Variants in CDH8 observed in about 807,000 individuals in gnomAD.
The protein encoded by CDH8 is cadherin-8.
In CDH8, 17 loss-of-function variants were observed where a neutral mutation model predicts 68.1. That is an observed-to-expected ratio of 0.25 (90% confidence interval 0.17 to 0.37). The LOEUF (loss-of-function observed/expected upper bound fraction) is 0.37, where lower values mean the gene tolerates loss of function less well. Among genes scored for constraint, CDH8 ranks in the 10% least tolerant of loss-of-function variants. The pLI is 1.00. For missense variants in CDH8, 763 were observed against 999.3 expected, an observed-to-expected ratio of 0.76 and a Z score of 3.19; for synonymous variants, 372 against 365.1, an observed-to-expected ratio of 1.02 and a Z score of -0.21.
chr16:61,670,484 A>G (rs1963769039), intron 10 of CDH8, among the ~76,000 whole-genome samples: 1 of 152,088 alleles, frequency 6.6e-6, no homozygotes, highest in Non-Finnish European at 1.5e-5. Flanking sequence ...ATGCAATGAG[A>G]GAAACATATA....
chr16:61,819,831 A>G (rs972514405), intron 6 of CDH8, among the ~76,000 whole-genome samples: 3 of 152,128 alleles, frequency 2.0e-5, no homozygotes, highest in Non-Finnish European at 4.4e-5. Flanking sequence ...TGGTCCACCA[A>G]CTACCTTATT....
At position 61,653,250 on chromosome 16, in the gene CDH8, T is replaced by A; in HGVS notation, c.*358A>T. On this transcript the variant is annotated 3_prime_UTR_variant, in exon 12 of 12. Transcript: ENST00000577390. ...GCAGCAGATTCCTTGCAGGTCCGTA[T>A]TTTTTTTTCTAAGAAAGCACCTTTT... 1.9e-6 allele frequency: 2 copies of A among 1,076,518 alleles called. No individual in the cohort carries two copies. Among genetic ancestry groups the A allele is most frequent in the Non-Finnish European group, 2.3e-6 (2 of 871,128 alleles). The allele number at this position is 1,076,518 out of a possible 1,614,324, so 66.7% of individuals were successfully genotyped here. A position where few individuals can be genotyped will look rare whatever the true frequency, so the allele number is the denominator to read the frequency against.
At chr16:61,666,304 C>T (rs1370359443) in intron 10 of CDH8, among the ~76,000 whole-genome samples, 1 of 151,950 alleles carries the variant, frequency 6.6e-6, no homozygotes, top group East Asian at 1.9e-4. Context: ...AAGGGAAATA[C>T]TCTATTCTCT....
At chr16:61,871,070 A>C (rs1963348431) in intron 3 of CDH8, among the ~76,000 whole-genome samples, 1 of 152,134 alleles carries the variant, frequency 6.6e-6, no homozygotes, top group African/African-American at 2.4e-5. Context: ...GTGTTTTTGT[A>C]TAGACATTTA....
At chr16:61,907,786 T>A (rs1964087672) in intron 2 of CDH8, among the ~76,000 whole-genome samples, 1 of 152,162 alleles carries the variant, frequency 6.6e-6, no homozygotes, top group Non-Finnish European at 1.5e-5. Context: ...GGCTCACGCC[T>A]GTAATCCCAG....
intron 10 of CDH8, among the ~76,000 whole-genome samples, chr16:61,665,212 C>T (rs1963641591): frequency 6.6e-6 from 1 of 151,784 alleles, no homozygotes; most frequent in South Asian, 2.1e-4. Flanking sequence ...CTCATGTGGG[C>T]TCAGCCACAT....
rs144212100 is a variant in CDH8, at chr16:61,780,285, G to C, written c.1414+9061C>G. On this transcript the variant is annotated intron_variant, in intron 8 of 11. Transcript: ENST00000577390. ...ACTATACAAGCCTAATCTCTTGTTA[G>C]CACATGGACATCTGCCTGCCAGCTC... Among the ~76,000 whole-genome samples, 3 of 152,292 alleles carry C rather than the reference G, an allele frequency of 2.0e-5. No individual in the cohort carries two copies. The East Asian group carries it at 5.8e-4, about 29-fold the overall frequency.
In CDH8 at chr16:61,649,375, A is replaced by T. The variant is rs1047471329; in HGVS notation, c.*4233T>A. ...GATTATGAGATGAAAAATTAAAACT[A>T]TAAATTATCCCCAGTAACTGAATTG... On this transcript the variant is annotated 3_prime_UTR_variant, in exon 12 of 12. Transcript: ENST00000577390. The T allele has an allele frequency of 1.3e-5, 2 of 151,736 alleles. No individual in the cohort carries two copies. The highest frequency in any genetic ancestry group is 2.9e-5 in the Non-Finnish European group (2 of 67,922). 9.4% of individuals were successfully genotyped at this position (151,736 alleles called of 1,614,324 possible).
intron 9 of CDH8, 137 bp from the exon 10 acceptor site, chr16:61,714,095 A>T: frequency 2.9e-6 from 2 of 694,732 alleles, no homozygotes; most frequent in East Asian, 5.1e-5. Flanking sequence ...ATTGTCATGG[A>T]TGGTTTGTGC....
At chr16:61,968,082 T>A (rs375756245) in intron 2 of CDH8, among the ~76,000 whole-genome samples, 30 of 152,160 alleles carry the variant, frequency 2.0e-4, no homozygotes, top group African/African-American at 6.8e-4. Flanking sequence ...AGAGCTGGGA[T>A]TACATAAGCA....
intron 2 of CDH8, among the ~76,000 whole-genome samples, chr16:61,936,737 A>G (rs566573432): frequency 6.6e-6 from 1 of 152,330 alleles, no homozygotes; most frequent in East Asian, 1.9e-4. Context: ...AAAACTGAGG[A>G]CTGCCACCAG....
intron 3 of CDH8, among the ~76,000 whole-genome samples, chr16:61,867,869 T>TG (rs1353327081): frequency 6.6e-6 from 1 of 152,158 alleles, no homozygotes; most frequent in Non-Finnish European, 1.5e-5. Flanking sequence ...ATATATAAAT[T>TG]GCAGTGCATA....
chr16:61,966,972 A>G (rs1965262347), intron 2 of CDH8, among the ~76,000 whole-genome samples: 1 of 152,180 alleles, frequency 6.6e-6, no homozygotes, highest in Non-Finnish European at 1.5e-5. Flanking sequence ...TGGGAGGCCA[A>G]CACGGGAGGA....
At chr16:61,669,174 G>A (rs1026978092) in intron 10 of CDH8, among the ~76,000 whole-genome samples, 77 of 151,966 alleles carry the variant, frequency 5.1e-4, no homozygotes, top group African/African-American at 1.6e-3. Context: ...AAGACATAAC[G>A]TGCTTCATCA....
intron 2 of CDH8, among the ~76,000 whole-genome samples, chr16:61,931,750 C>T (rs903663927): frequency 6.6e-6 from 1 of 152,094 alleles, no homozygotes; most frequent in African/African-American, 2.4e-5. Context: ...GACAAAAATG[C>T]TACCCACAGT....
intron 7 of CDH8, among the ~76,000 whole-genome samples, chr16:61,816,779 G>A (rs1197329323): frequency 2.0e-5 from 3 of 151,828 alleles, no homozygotes; most frequent in African/African-American, 4.8e-5. Flanking sequence ...AAAAAAAATC[G>A]AATGGAGCTT....
At chr16:61,794,589 T>C (rs1961455066) in intron 7 of CDH8, among the ~76,000 whole-genome samples, 1 of 152,050 alleles carries the variant, frequency 6.6e-6, no homozygotes, top group Admixed American at 6.6e-5. Context: ...TAGTTTTCCT[T>C]TCACTGTTTA....
intron 10 of CDH8, among the ~76,000 whole-genome samples, chr16:61,660,323 A>T (rs1472169967): frequency 6.6e-6 from 1 of 152,110 alleles, no homozygotes; most frequent in Non-Finnish European, 1.5e-5. Flanking sequence ...ACAATAAAAA[A>T]TTAACTAGAG....
intron 8 of CDH8, among the ~76,000 whole-genome samples, chr16:61,767,138 G>A (rs1438220157): frequency 6.6e-6 from 1 of 151,788 alleles, no homozygotes; most frequent in South Asian, 2.1e-4. Flanking sequence ...CGCATGACTT[G>A]TGTGTGTGTG....
Sources: allele counts gnomAD v4.1 joint callset (sites outside exome capture counted in the v4.1 genomes callset), GRCh38; gene constraint gnomAD v4.1.1; transcripts MANE v1.5; gene names NCBI Gene and HGNC (gene_info 2026-07-23, HGNC 2026-07-21).